Variants in CNOT10 observed in about 807,000 individuals in gnomAD.
The protein encoded by CNOT10 is CCR4-NOT transcription complex subunit 10, also known as CCR4-NOT transcription complex, subunit 10.
A neutral mutation model predicts 94.6 loss-of-function variants in CNOT10; 30 were observed. The ratio of observed to expected loss-of-function variants is 0.32; its 90% CI spans 0.24 to 0.43. The LOEUF is 0.43. CNOT10 is among the 20% of genes least tolerant of loss of function. The pLI is 1.00. For missense variants in CNOT10, 759 were observed against 877.2 expected, an observed-to-expected ratio of 0.87 and a Z score of 1.70; for synonymous variants, 289 against 301.6, an observed-to-expected ratio of 0.96 and a Z score of 0.43.
intron 1 of CNOT10, among the ~76,000 whole-genome samples, chr3:32,701,408 G>GA (rs1292106069): frequency 6.6e-6 from 1 of 152,042 alleles, no homozygotes; most frequent in Non-Finnish European, 1.5e-5. Flanking sequence ...AGACTCTTTT[G>GA]AAAAAATAAA....
chr3:32,720,039 T>G, intron 7 of CNOT10, 75 bp from the exon 8 acceptor site: 1 of 667,102 alleles, frequency 1.5e-6, no homozygotes, highest in South Asian at 3.0e-5. Flanking sequence ...AACACGTCAG[T>G]ACAACAGTAT....
intron 17 of CNOT10, among the ~76,000 whole-genome samples, chr3:32,768,583 C>CAA (rs34174567): frequency 2.0e-5 from 3 of 146,930 alleles, no homozygotes; most frequent in South Asian, 2.2e-4. Flanking sequence ...AACTCCGTCT[C>CAA]AAAAAAAAAA....
intron 1 of CNOT10, among the ~76,000 whole-genome samples, chr3:32,695,311 C>T (rs1014325470): frequency 2.0e-5 from 3 of 151,860 alleles, no homozygotes; most frequent in South Asian, 2.1e-4. Flanking sequence ...TGTTTTTCTT[C>T]GAAGTGGCAT....
intron 2 of CNOT10, among the ~76,000 whole-genome samples, chr3:32,704,315 T>G (rs1001732035): frequency 1.1e-4 from 17 of 152,180 alleles, no homozygotes; most frequent in African/African-American, 3.9e-4. Flanking sequence ...CAAAAATTAT[T>G]TTCTTGAAGG....
chr3:32,767,055 A>G (rs2125644359), intron 17 of CNOT10, among the ~76,000 whole-genome samples: 1 of 152,354 alleles, frequency 6.6e-6, no homozygotes, highest in African/African-American at 2.4e-5. Flanking sequence ...GTTAGGAGAC[A>G]CCTTCCTAAA....
intron 1 of CNOT10, among the ~76,000 whole-genome samples, chr3:32,687,436 A>AGGTTTTTTTTT (rs1696651054): frequency 2.2e-5 from 1 of 45,298 alleles, no homozygotes; most frequent in Non-Finnish European, 4.3e-5. Flanking sequence ...TTAAGTCCTC[A>AGGTTTTTTTTT]CGGTTTTTTT....
chr3:32,735,617 G>T (rs111663964), intron 12 of CNOT10, among the ~76,000 whole-genome samples: 5 of 148,996 alleles, frequency 3.4e-5, no homozygotes, highest in African/African-American at 1.2e-4. Context: ...TGAGGCAAGA[G>T]AATTACTTGA....
intron 13 of CNOT10, among the ~76,000 whole-genome samples, chr3:32,757,190 TTTTTTTG>T: frequency 7.5e-6 from 1 of 132,494 alleles, no homozygotes. Context: ...TTTTTTTTTT[TTTTTTTG>T]TGACGGAGTT....
intron 1 of CNOT10, among the ~76,000 whole-genome samples, chr3:32,703,213 C>T (rs148255756): frequency 0.023 from 3,485 of 151,872 alleles, 56 homozygotes; most frequent in East Asian, 0.046. Flanking sequence ...CGTGAGCCAC[C>T]GTGCCTGGCA....
rs1575262123 is a variant in CNOT10 at position 32,735,081 on chromosome 3, G to A, written c.1514+105G>A. The stretch of plus-strand genomic sequence containing the variant: ...CCTAAAATCTTCAACCTGAATTTCT[G>A]AAATTCTGTTTTGCGTAACAAGAAA... On this transcript the variant is annotated intron_variant, in intron 12 of 18. Coordinates refer to ENST00000328834, the MANE Select transcript of CNOT10 (RefSeq NM_015442.3). 4.1e-6 allele frequency: 4 copies of A among 984,494 alleles called. No homozygotes were observed. In the East Asian group the frequency reaches 9.9e-5, roughly 24 times the overall value. 61.0% of individuals were successfully genotyped at this position (984,494 alleles called of 1,614,324 possible).
At chr3:32,702,337 G>A (rs1459461154) in intron 1 of CNOT10, among the ~76,000 whole-genome samples, 2 of 151,836 alleles carry the variant, frequency 1.3e-5, no homozygotes, top group East Asian at 3.9e-4. Context: ...GCTCTGAGTA[G>A]TTTAGGTTTG....
chr3:32,740,563 AT>A (rs1238276734), intron 13 of CNOT10, among the ~76,000 whole-genome samples: 1 of 150,450 alleles, frequency 6.6e-6, no homozygotes, highest in Admixed American at 6.7e-5. Flanking sequence ...ATTTCTTAAA[AT>A]TTTTTTAAAA....
chr3:32,688,869 C>G (rs1696733285), intron 1 of CNOT10, among the ~76,000 whole-genome samples: 1 of 151,982 alleles, frequency 6.6e-6, no homozygotes, highest in Non-Finnish European at 1.5e-5. Context: ...GAGCTTTGAT[C>G]ACGCCACTGT....
intron 13 of CNOT10, among the ~76,000 whole-genome samples, chr3:32,754,471 C>A (rs1417408960): frequency 4.4e-5 from 1 of 22,808 alleles, no homozygotes; most frequent in African/African-American, 1.2e-4. Flanking sequence ...AGCAAGACTC[C>A]GTCTCAAAAA....
chr3:32,751,699 T>G (rs1699973639), intron 13 of CNOT10, among the ~76,000 whole-genome samples: 1 of 152,220 alleles, frequency 6.6e-6, no homozygotes, highest in Non-Finnish European at 1.5e-5. Context: ...TTTCTTCTTT[T>G]GTTAGCCCAG....
chr3:32,746,131 T>C (rs1699689230), intron 13 of CNOT10, among the ~76,000 whole-genome samples: 2 of 152,206 alleles, frequency 1.3e-5, no homozygotes, highest in Admixed American at 6.5e-5. Flanking sequence ...ACTTTATGAA[T>C]AGACAAAACT....
chr3:32,717,208 A>G lies in CNOT10; in HGVS notation c.715A>G (p.Ile239Val). 6.2e-7 allele frequency: 1 copy of G among 1,610,018 alleles called. No homozygotes were observed. Among genetic ancestry groups the G allele is most frequent in the Non-Finnish European group, 8.5e-7 (1 of 1,177,596 alleles). Reference sequence around the variant, plus strand: ...GTCTCTGAAAGCATGTAAAAGGGAAATCAAGTCAGTCATGAATACAGCTGG... The same window carrying G: ...GTCTCTGAAAGCATGTAAAAGGGAAGTCAAGTCAGTCATGAATACAGCTGG... ...MKSLKACKRE[I>V]KSVMNTAGNS... Residue 239 changes from isoleucine to valine, a missense_variant, in exon 7 of 19, where the codon ATC becomes GTC. This residue lies in a region of CNOT10 where 682 missense variants were observed against 799.4 expected (regional missense o/e 0.85). Coordinates refer to ENST00000328834, the MANE Select transcript of CNOT10 (RefSeq NM_015442.3).
chr3:32,748,218 C>A (rs1452004580), intron 13 of CNOT10, among the ~76,000 whole-genome samples: 1 of 152,072 alleles, frequency 6.6e-6, no homozygotes, highest in Non-Finnish European at 1.5e-5. Flanking sequence ...CAAGTGTGTT[C>A]GAATGTTTGT....
chr3:32,685,475 G>A lies in CNOT10; in HGVS notation c.15G>A (p.Lys5=). The change falls in exon 1 of 19, where the codon AAG becomes AAA. Residue 5 remains lysine (K), a synonymous_variant. Coordinates refer to ENST00000328834, the MANE Select transcript of CNOT10 (RefSeq NM_015442.3). MAAD[K]PADQGAEKHE... is the part of the protein sequence containing the mutation. ...GAAGCGGGAAGATGGCTGCAGACAA[G>A]CCTGCAGGTAGGGCGCCAATGTCCC... is the stretch of plus-strand genomic sequence containing the variant. 1 of 1,550,472 alleles carries A rather than the reference G, an allele frequency of 6.4e-7. No homozygotes were observed. The highest frequency in any genetic ancestry group is 2.0e-5 in the Admixed American group (1 of 50,994).
Sources: allele counts gnomAD v4.1 joint callset (sites outside exome capture counted in the v4.1 genomes callset), GRCh38; gene constraint gnomAD v4.1.1; regional missense constraint gnomAD v4.1.1; transcripts MANE v1.5; gene names NCBI Gene and HGNC (gene_info 2026-07-23, HGNC 2026-07-21).